The following PCDHGA4 variants were observed in gnomAD, a reference collection of about 807,000 sequenced individuals.
PCDHGA4 encodes protocadherin gamma-A4.
A neutral mutation model predicts 54.6 loss-of-function variants in PCDHGA4; 38 were observed. The observed-to-expected ratio is 0.70, with a 90% confidence interval of 0.54 to 0.91. The LOEUF (loss-of-function observed/expected upper bound fraction) is 0.91. PCDHGA4 is among the 40% of genes least tolerant of loss of function. The pLI is 0.00. For missense variants in PCDHGA4, 1,298 were observed against 1,220.9 expected (o/e 1.06, Z -0.94); for synonymous variants, 511 against 512.9 (o/e 1.00, Z 0.05).
intron 1 of PCDHGA4, among the ~76,000 whole-genome samples, chr5:141,484,730 G>T (rs1231473842): frequency 6.6e-6 from 1 of 151,728 alleles, no homozygotes; most frequent in Non-Finnish European, 1.5e-5. Context: ...GGGGTCAGTC[G>T]GTGTGTTAGG....
intron 1 of PCDHGA4, chr5:141,399,670 G>A (rs2093861747): frequency 6.2e-7 from 1 of 1,613,610 alleles, no homozygotes; most frequent in Non-Finnish European, 8.5e-7. Flanking sequence ...CGCGCAGCGC[G>A]CCTTTGACTA....
chr5:141,389,194 C>A (rs760691972), intron 1 of PCDHGA4: 15 of 1,613,922 alleles, frequency 9.3e-6, no homozygotes, highest in Non-Finnish European at 1.0e-5. Context: ...TCCAGCATCA[C>A]CCTGCACATT....
intron 1 of PCDHGA4, among the ~76,000 whole-genome samples, chr5:141,481,215 G>T (rs1238465869): frequency 6.6e-6 from 1 of 152,152 alleles, no homozygotes; most frequent in Non-Finnish European, 1.5e-5. Context: ...AACATGGTAA[G>T]GTCTCCCAGC....
intron 1 of PCDHGA4, chr5:141,414,817 A>C: frequency 6.2e-7 from 1 of 1,614,214 alleles, no homozygotes; most frequent in Non-Finnish European, 8.5e-7. Context: ...TCCACTCAGC[A>C]GCAACGTGTC....
At chr5:141,455,411 G>T (rs1292246147) in intron 1 of PCDHGA4, among the ~76,000 whole-genome samples, 1 of 152,096 alleles carries the variant, frequency 6.6e-6, no homozygotes, top group Non-Finnish European at 1.5e-5. Context: ...AGAGACAGAG[G>T]GAGCGGGGCT....
chr5:141,468,868 AAATAAT>A (rs993655754), intron 1 of PCDHGA4, among the ~76,000 whole-genome samples: 1 of 151,794 alleles, frequency 6.6e-6, no homozygotes, highest in Non-Finnish European at 1.5e-5. Context: ...TCCATCTCAA[AAATAAT>A]AATAATAATA....
chr5:141,407,425 CTT>C (rs1307911949), intron 1 of PCDHGA4, among the ~76,000 whole-genome samples: 3 of 151,864 alleles, frequency 2.0e-5, no homozygotes, highest in African/African-American at 4.8e-5. Context: ...AAAAATGTCT[CTT>C]GCCCTTAAAA....
intron 1 of PCDHGA4, among the ~76,000 whole-genome samples, chr5:141,438,647 CACACAT>C (rs1324641788): frequency 3.8e-5 from 4 of 106,486 alleles, no homozygotes; most frequent in South Asian, 2.8e-4. Flanking sequence ...CACACACACA[CACACAT>C]ATATGTATAT....
intron 1 of PCDHGA4, among the ~76,000 whole-genome samples, chr5:141,358,146 T>C (rs1760833280): frequency 6.6e-6 from 1 of 152,164 alleles, no homozygotes; most frequent in South Asian, 2.1e-4. Flanking sequence ...GCTGAGATCA[T>C]GACACTGTAC....
rs530139788 is a variant in PCDHGA4, at chr5:141,509,165, C to A, written c.2663-1782C>A. On this transcript the variant is annotated intron_variant, in intron 3 of 3. Coordinates refer to ENST00000571252, the MANE Select transcript of PCDHGA4 (RefSeq NM_018917.4). ...TCCCGGCTCTCCCCTCCCGTGTGCC[C>A]TCCTCCTCTTATGCCGGCTTGAAAA... Among the ~76,000 whole-genome samples the A allele has an allele frequency of 1.4e-4, 21 of 152,332 alleles. No individual in the cohort carries two copies. In the South Asian group the frequency reaches 4.1e-3, roughly 30 times the overall value.
At chr5:141,388,858 T>C (rs1217000654) in intron 1 of PCDHGA4, 1 of 1,613,984 alleles carries the variant, frequency 6.2e-7, no homozygotes, top group Non-Finnish European at 8.5e-7. Context: ...GGTGGAGGAA[T>C]GATTGCGCAA....
intron 1 of PCDHGA4, among the ~76,000 whole-genome samples, chr5:141,444,012 G>T (rs1355186604): frequency 1.3e-5 from 2 of 152,058 alleles, no homozygotes; most frequent in African/African-American, 4.8e-5. Flanking sequence ...CTGGGTATTG[G>T]CTTCTAAAAG....
chr5:141,394,489 C>T (rs989814835), intron 1 of PCDHGA4: 5 of 1,614,122 alleles, frequency 3.1e-6, no homozygotes, highest in Non-Finnish European at 4.2e-6. Context: ...AATGACAACG[C>T]GCCCGAGATC....
rs2099417733 is a variant in PCDHGA4, at chr5:141,477,771, G to C, written c.2515-17036G>C. ...ACCCCGGTCCTAGCCACCAACATCAGCGTGAACATATTTGTCACTGATCGC... is the reference window on the plus strand; with the variant it reads ...ACCCCGGTCCTAGCCACCAACATCACCGTGAACATATTTGTCACTGATCGC... On this transcript the variant is annotated intron_variant, in intron 1 of 3. Transcript: ENST00000571252. This position sits in a 1 kb window ranked among gnomAD's most constrained non-coding sequence, Gnocchi z 4.9. 3 of 1,613,992 alleles carry C rather than the reference G, an allele frequency of 1.9e-6. No homozygotes were observed. The highest frequency in any genetic ancestry group is 3.3e-4 in the Middle Eastern group (2 of 6,062).
chr5:141,362,274 G>T lies in PCDHGA4; in HGVS notation c.2514+4653G>T. ...TCGCGGTGATTCTGGCAATCTCCCTGCGCCTGCGACTCTCTTCCAGGTCAG... is the reference window on the plus strand; with the variant it reads ...TCGCGGTGATTCTGGCAATCTCCCTTCGCCTGCGACTCTCTTCCAGGTCAG... On this transcript the variant is annotated intron_variant, in intron 1 of 3. Transcript: ENST00000571252. 4 of 1,614,018 alleles carry T rather than the reference G, an allele frequency of 2.5e-6. No homozygotes were observed. The East Asian group carries it at 8.9e-5, about 36-fold the overall frequency.
intron 1 of PCDHGA4, chr5:141,410,849 CTTTTTTTTTTTTTT>C (rs759346998): frequency 7.7e-6 from 1 of 129,786 alleles, no homozygotes; most frequent in African/African-American, 6.0e-5. Context: ...TTGTCTTTGT[CTTTTTTTTTTTTTT>C]TTTTTTTTGA....
chr5:141,447,161 C>T (rs1432238455), intron 1 of PCDHGA4, among the ~76,000 whole-genome samples: 1 of 151,728 alleles, frequency 6.6e-6, no homozygotes, highest in East Asian at 1.9e-4. Flanking sequence ...TTTGTTTAAG[C>T]GGGGTCTTGC....
Position 141,491,140 on chromosome 5 carries a change from T to A in PCDHGA4, c.2515-3667T>A, listed in dbSNP as rs1392575961. On this transcript the variant is annotated intron_variant, in intron 1 of 3. Coordinates refer to ENST00000571252, the MANE Select transcript of PCDHGA4 (RefSeq NM_018917.4). This position sits in a 1 kb window ranked among gnomAD's most constrained non-coding sequence, Gnocchi z 6.9. ...TGGTGAGGTGCGCACAGCCCGGGCC[T>A]TACTGGAGGATGACTCTGACACCCA... 2 of 1,614,110 alleles carry A rather than the reference T, an allele frequency of 1.2e-6. No individual in the cohort carries two copies. Among genetic ancestry groups the A allele is most frequent in the Non-Finnish European group, 1.7e-6 (2 of 1,179,992 alleles).
In PCDHGA4 at chr5:141,355,318, G is replaced by T. The variant is rs963609371; in HGVS notation, c.211G>T (p.Glu71Ter). 2 of 1,613,972 alleles carry T rather than the reference G, an allele frequency of 1.2e-6. No individual in the cohort carries two copies. Among genetic ancestry groups the T allele is most frequent in the Non-Finnish European group, 1.7e-6 (2 of 1,179,902 alleles). The part of the protein sequence containing the change: ...QILYSVFEEQ[E>*]EGSVVGNIAK... ...TCTCTACTCGGTGTTTGAGGAGCAG[G>T]AAGAAGGCTCAGTGGTGGGCAACAT... Residue 71 changes from glutamate to a stop codon, truncating the protein, a stop_gained, in exon 1 of 4, where the codon GAA becomes TAA. Coordinates refer to ENST00000571252, the MANE Select transcript of PCDHGA4 (RefSeq NM_018917.4). LOFTEE classifies it high-confidence loss of function.
Sources: gnomAD v4.1 joint callset for allele counts (sites outside exome capture counted in the v4.1 genomes callset) on GRCh38, gnomAD v4.1.1 for gene constraint, Gnocchi (gnomAD v3.1) non-coding constraint, MANE v1.5 for transcripts, NCBI Gene and HGNC (gene_info 2026-07-23, HGNC 2026-07-21) for gene names.